The following KCTD7 variants were observed in gnomAD, a reference collection of about 807,000 sequenced individuals.
KCTD7 encodes BTB/POZ domain-containing protein KCTD7.
A neutral mutation model predicts 27.0 loss-of-function variants in KCTD7; 15 were observed. The observed-to-expected ratio is 0.56, with a 90% CI of 0.37 to 0.86. The LOEUF (loss-of-function observed/expected upper bound fraction) is 0.86. KCTD7 is among the 40% of genes least tolerant of loss of function. The probability of loss-of-function intolerance (pLI) is 0.00; values close to 1 mark genes in which losing one functional copy is unlikely to be tolerated. For synonymous variants in KCTD7, 159 were observed against 162.7 expected (o/e 0.98, Z 0.17); for missense variants, 299 against 398.9 (o/e 0.75, Z 2.13).
At chr7:66,630,261 C>T (rs80101541) in intron 1 of KCTD7, among the ~76,000 whole-genome samples, 2,298 of 151,930 alleles carry the variant, frequency 0.015, 43 homozygotes, top group African/African-American at 0.05. Context: ...AGAGTAAGAC[C>T]GTACCTACAA....
At chr7:66,629,466 T>C (rs1251472219) in intron 1 of KCTD7, among the ~76,000 whole-genome samples, 1 of 151,066 alleles carries the variant, frequency 6.6e-6, no homozygotes, top group Non-Finnish European at 1.5e-5. Context: ...ACTGGGGTGA[T>C]TTACTCCCAT....
chr7:66,639,121 G>C lies in KCTD7; in HGVS notation c.759G>C (p.Ser253=), dbSNP rs146540578. ...DLLHCLVTDL[S]AQGLTVDHQC... Reference sequence around the variant, plus strand: ...TGCACTGCCTGGTCACGGACCTCTCGGCCCAGGGTCTCACCGTGGACCACC... The same window carrying C: ...TGCACTGCCTGGTCACGGACCTCTCCGCCCAGGGTCTCACCGTGGACCACC... The change falls in exon 4 of 4, where the codon TCG becomes TCC. Residue 253 remains serine (S), a synonymous_variant. Coordinates refer to ENST00000639828, the MANE Select transcript of KCTD7 (RefSeq NM_153033.5). 6.2e-7 allele frequency: 1 copy of C among 1,613,988 alleles called. No individual in the cohort carries two copies. The highest frequency in any genetic ancestry group is 8.5e-7 in the Non-Finnish European group (1 of 1,180,034).
At chr7:66,632,399 A>G (rs538363616) in intron 1 of KCTD7, among the ~76,000 whole-genome samples, 3 of 150,830 alleles carry the variant, frequency 2.0e-5, no homozygotes, top group Admixed American at 1.3e-4. Context: ...AGGCAGGAGA[A>G]TGGTGTGAAC....
intron 2 of KCTD7, among the ~76,000 whole-genome samples, chr7:66,634,856 A>G (rs943072341): frequency 1.3e-5 from 2 of 152,070 alleles, no homozygotes; most frequent in African/African-American, 2.4e-5. Flanking sequence ...AATGTCAACA[A>G]CAGCAAAATA....
intron 2 of KCTD7, among the ~76,000 whole-genome samples, chr7:66,636,515 T>C (rs1398875023): frequency 6.6e-6 from 1 of 151,808 alleles, no homozygotes; most frequent in Non-Finnish European, 1.5e-5. Context: ...GCTGGTGTTG[T>C]ATTAGGTCAT....
At chr7:66,634,300 A>G (rs1390511025) in intron 2 of KCTD7, among the ~76,000 whole-genome samples, 1 of 150,684 alleles carries the variant, frequency 6.6e-6, no homozygotes, top group East Asian at 1.9e-4. Flanking sequence ...CAGTCCTCCC[A>G]CCTTGGCCTC....
In KCTD7 at chr7:66,640,629, G is replaced by C; in HGVS notation, c.*1397G>C. On this transcript the variant is annotated 3_prime_UTR_variant, in exon 4 of 4. Coordinates refer to ENST00000639828, the MANE Select transcript of KCTD7 (RefSeq NM_153033.5). Reference sequence around the variant, plus strand: ...TTTTTTTTTTAATGTGTAAAGAATTGATGCGAGCCAGGAACATGTCTGTAG... The same window carrying C: ...TTTTTTTTTTAATGTGTAAAGAATTCATGCGAGCCAGGAACATGTCTGTAG... 7.3e-7 allele frequency: 1 copy of C among 1,376,378 alleles called. No individual in the cohort carries two copies. Among genetic ancestry groups the C allele is most frequent in the Non-Finnish European group, 9.4e-7 (1 of 1,067,808 alleles). 85.3% of individuals were successfully genotyped at this position (1,376,378 alleles called of 1,614,324 possible). A position where few individuals can be genotyped will look rare whatever the true frequency, so the allele number is the denominator to read the frequency against.
rs556693792 is a variant in KCTD7, at chr7:66,633,463, A to G, written c.314+19A>G. 6.8e-6 allele frequency: 11 copies of G among 1,613,634 alleles called. No individual in the cohort carries two copies. The South Asian group carries it at 1.2e-4, about 18-fold the overall frequency. On this transcript the variant is annotated intron_variant, in intron 2 of 3. Transcript: ENST00000639828. ...ACTTTGGGTATGTCTCTCCCTCTAC[A>G]ATCAACTTTGTAGTCCTAGCAGGTG... is the stretch of plus-strand genomic sequence containing the variant.
intron 2 of KCTD7, among the ~76,000 whole-genome samples, chr7:66,637,649 T>C (rs899686111): frequency 6.6e-6 from 1 of 152,150 alleles, no homozygotes; most frequent in Non-Finnish European, 1.5e-5. Context: ...TACTATATAA[T>C]TCTGTTTATA....
In KCTD7 at chr7:66,640,327, C is replaced by G; in HGVS notation, c.*1095C>G. On this transcript the variant is annotated 3_prime_UTR_variant, in exon 4 of 4. Coordinates refer to ENST00000639828, the MANE Select transcript of KCTD7 (RefSeq NM_153033.5). Reference sequence around the variant, plus strand: ...CTCACTCCTCTATTTTTGTTTTACTCACTTCTTTATATTTTGTTTTACTCC... The same window carrying G: ...CTCACTCCTCTATTTTTGTTTTACTGACTTCTTTATATTTTGTTTTACTCC... 1 of 1,534,064 alleles carries G rather than the reference C, an allele frequency of 6.5e-7. No homozygotes were observed. The highest frequency in any genetic ancestry group is 1.4e-5 in the African/African-American group (1 of 72,838).
chr7:66,642,013 G>A lies in KCTD7; in HGVS notation c.*2781G>A. The A allele has an allele frequency of 4.1e-6, 4 of 985,416 alleles. No individual in the cohort carries two copies. Among genetic ancestry groups the A allele is most frequent in the South Asian group, 4.7e-5 (1 of 21,280 alleles). The allele number at this position is 985,416 out of a possible 1,614,324, so 61.0% of individuals were successfully genotyped here. A position where few individuals can be genotyped will look rare whatever the true frequency, so the allele number is the denominator to read the frequency against. On this transcript the variant is annotated 3_prime_UTR_variant, in exon 4 of 4. Coordinates refer to ENST00000639828, the MANE Select transcript of KCTD7 (RefSeq NM_153033.5). ...AGTAAATCCCTCTCACTTGACAAGG[G>A]ACTGGATTCATCTTGCCTTGAGACG...
In KCTD7 at chr7:66,633,322, A is replaced by G. The variant is rs142526573; in HGVS notation, c.192A>G (p.Thr64=). The G allele has an allele frequency of 3.0e-5, 49 of 1,613,790 alleles. No individual in the cohort carries two copies. The African/African-American group carries it at 4.0e-4, about 13-fold the overall frequency. The change falls in exon 2 of 4, where the codon ACA becomes ACG. Residue 64 remains threonine (T), a synonymous_variant. Transcript: ENST00000639828. Reference sequence around the variant, plus strand: ...ACATCGGAGGGGCTCACTTCACTACACGCCTGTCCACACTGCGGTGCTACG... The same window carrying G: ...ACATCGGAGGGGCTCACTTCACTACGCGCCTGTCCACACTGCGGTGCTACG... ...PLNIGGAHFT[T]RLSTLRCYED... is the part of the protein sequence containing the mutation.
At chr7:66,637,808 T>C (rs1786621516) in intron 2 of KCTD7, among the ~76,000 whole-genome samples, 1 of 152,202 alleles carries the variant, frequency 6.6e-6, no homozygotes, top group Non-Finnish European at 1.5e-5. Flanking sequence ...GTTGGATGGG[T>C]ATATTCATAC....
chr7:66,642,043 A>T lies in KCTD7; in HGVS notation c.*2811A>T. The T allele has an allele frequency of 1.0e-6, 1 of 985,428 alleles. No homozygotes were observed. The highest frequency in any genetic ancestry group is 1.2e-6 in the Non-Finnish European group (1 of 829,922). The allele number at this position is 985,428 out of a possible 1,614,324, so 61.0% of individuals were successfully genotyped here. On this transcript the variant is annotated 3_prime_UTR_variant, in exon 4 of 4. Coordinates refer to ENST00000639828, the MANE Select transcript of KCTD7 (RefSeq NM_153033.5). ...GATTCATCTTGCCTTGAGACGGGCC[A>T]GTAGTTATCAGTGAGTCAAAGCAAA...
In KCTD7 at chr7:66,641,613, T is replaced by G; in HGVS notation, c.*2381T>G. On this transcript the variant is annotated 3_prime_UTR_variant, in exon 4 of 4. Coordinates refer to ENST00000639828, the MANE Select transcript of KCTD7 (RefSeq NM_153033.5). ...CTGACTCCCTTTGTGATCCTCACAG[T>G]AATGTATTCTGTGCCACTGTAGGAC... 1.0e-6 allele frequency: 1 copy of G among 985,428 alleles called. No individual in the cohort carries two copies. Among genetic ancestry groups the G allele is most frequent in the Non-Finnish European group, 1.2e-6 (1 of 829,930 alleles). The allele number at this position is 985,428 out of a possible 1,614,324, so 61.0% of individuals were successfully genotyped here. A position where few individuals can be genotyped will look rare whatever the true frequency, so the allele number is the denominator to read the frequency against.
In KCTD7 at chr7:66,628,937, G is replaced by T; in HGVS notation, c.-128G>T. 2 of 948,486 alleles carry T rather than the reference G, an allele frequency of 2.1e-6. No homozygotes were observed. The highest frequency in any genetic ancestry group is 2.9e-6 in the Non-Finnish European group (2 of 701,430). 58.8% of individuals were successfully genotyped at this position (948,486 alleles called of 1,614,324 possible). ...GCCACCGCCCTCCCGCCTGCGCACT[G>T]CCTCTCGCCCCCCTCCGGCCAGCCC... On this transcript the variant is annotated 5_prime_UTR_variant, in exon 1 of 4. Transcript: ENST00000639828.
chr7:66,638,867 C>T lies in KCTD7; in HGVS notation c.505C>T (p.Arg169Trp), dbSNP rs773227811. 3 of 1,613,908 alleles carry T rather than the reference C, an allele frequency of 1.9e-6. No homozygotes were observed. Among genetic ancestry groups the T allele is most frequent in the Non-Finnish European group, 2.5e-6 (3 of 1,180,012 alleles). Reference protein sequence around the residue: ...LMPYYKDHLERIVEIARLRAV... With the variant: ...LMPYYKDHLEWIVEIARLRAV... ...GTTCATCCTTATAGACCACTTGGAG[C>T]GGATTGTGGAGATCGCCCGGCTGCG... Residue 169 changes from arginine (R) to tryptophan (W), a missense_variant, in exon 4 of 4, where the codon CGG becomes TGG. Coordinates refer to ENST00000639828, the MANE Select transcript of KCTD7 (RefSeq NM_153033.5).
chr7:66,636,323 G>C (rs10266041), intron 2 of KCTD7, among the ~76,000 whole-genome samples: 15,807 of 151,956 alleles, frequency 0.1, 895 homozygotes, highest in Non-Finnish European at 0.11. Context: ...GCCATGGCTG[G>C]ATCTGAGCCT....
Position 66,642,277 on chromosome 7 carries a change from A to G in KCTD7, c.*3045A>G. 2.0e-6 allele frequency: 2 copies of G among 985,446 alleles called. No individual in the cohort carries two copies. Among genetic ancestry groups the G allele is most frequent in the Non-Finnish European group, 2.4e-6 (2 of 829,936 alleles). 61.0% of individuals were successfully genotyped at this position (985,446 alleles called of 1,614,324 possible). A position where few individuals can be genotyped will look rare whatever the true frequency, so the allele number is the denominator to read the frequency against. ...TCCTTATTTTACCTCTGCCTTGTTC[A>G]CCAGGCTGCCCAGTGCTTACCATGC... is the stretch of plus-strand genomic sequence containing the variant. On this transcript the variant is annotated 3_prime_UTR_variant, in exon 4 of 4. Coordinates refer to ENST00000639828, the MANE Select transcript of KCTD7 (RefSeq NM_153033.5).
Sources: allele counts gnomAD v4.1 joint callset (sites outside exome capture counted in the v4.1 genomes callset), GRCh38; gene constraint gnomAD v4.1.1; transcripts MANE v1.5; gene names NCBI Gene and HGNC (gene_info 2026-07-23, HGNC 2026-07-21).